The following APP variants were observed in gnomAD, a reference collection of about 807,000 sequenced individuals.
The protein encoded by APP is amyloid-beta precursor protein.
A neutral mutation model predicts 101.4 loss-of-function variants in APP; 31 were observed. That is an observed-to-expected ratio of 0.31 (90% CI 0.23 to 0.41). The LOEUF is 0.41. Among genes scored for constraint, APP ranks in the 10% least tolerant of loss-of-function variants. The pLI, the probability that APP is intolerant of heterozygous loss-of-function variation, is 1.00. For missense variants in APP, 839 were observed against 1,003.7 expected, an observed-to-expected ratio of 0.84 and a Z score of 2.22; for synonymous variants, 366 against 364.4, an observed-to-expected ratio of 1.00 and a Z score of -0.05.
At chr21:26,009,240 C>G (rs1219930792) in intron 6 of APP, among the ~76,000 whole-genome samples, 1 of 152,160 alleles carries the variant, frequency 6.6e-6, no homozygotes, top group Admixed American at 6.5e-5. Context: ...AAGACAGATA[C>G]AACAAAATTA....
intron 2 of APP, among the ~76,000 whole-genome samples, chr21:26,094,939 A>C (rs113153075): frequency 0.021 from 3,240 of 151,962 alleles, 123 homozygotes; most frequent in African/African-American, 0.074. Context: ...TCCATCTCCC[A>C]GGTTCAAGCG....
intron 5 of APP, among the ~76,000 whole-genome samples, chr21:26,032,872 A>G (rs973337005): frequency 6.6e-6 from 1 of 151,792 alleles, no homozygotes. Context: ...CCAACTGCTG[A>G]CTATAGGCTC....
chr21:26,152,284 C>CAAAAAAAAAAAAAAAAAAAAA (rs1161739630), intron 1 of APP, among the ~76,000 whole-genome samples: 9 of 36,178 alleles, frequency 2.5e-4, no homozygotes, highest in East Asian at 1.0e-3. Flanking sequence ...GACTCCATCT[C>CAAAAAAAAAAAAAAAAAAAAA]AAAAAAAAAA....
intron 2 of APP, among the ~76,000 whole-genome samples, chr21:26,111,631 G>T (rs2062326950): frequency 6.6e-6 from 1 of 152,032 alleles, no homozygotes; most frequent in Non-Finnish European, 1.5e-5. Flanking sequence ...CAGCTACTTG[G>T]GAGGCTGAGG....
chr21:25,891,207 G>A (rs1408199941), intron 17 of APP, among the ~76,000 whole-genome samples: 1 of 151,296 alleles, frequency 6.6e-6, no homozygotes, highest in African/African-American at 2.5e-5. Flanking sequence ...ATTTGGTATA[G>A]TGTGATTTCC....
chr21:26,045,452 A>C (rs1420614801), intron 5 of APP, among the ~76,000 whole-genome samples: 1 of 152,258 alleles, frequency 6.6e-6, no homozygotes, highest in Non-Finnish European at 1.5e-5. Flanking sequence ...AACTGGGAAA[A>C]TACAGAATAA....
intron 9 of APP, among the ~76,000 whole-genome samples, chr21:25,977,168 G>T (rs1171793430): frequency 6.6e-6 from 1 of 152,184 alleles, no homozygotes; most frequent in African/African-American, 2.4e-5. Context: ...GGATTTCCCT[G>T]AGAGAAGTTC....
chr21:26,170,594 C>T lies in APP; in HGVS notation c.27G>A (p.Leu9=), dbSNP rs2063725674. The change falls in exon 1 of 18, where the codon CTG becomes CTA. Residue 9 remains leucine, a synonymous_variant. Coordinates refer to ENST00000346798, the MANE Select transcript of APP (RefSeq NM_000484.4). MLPGLALL[L]LAAWTARALE... is the part of the protein sequence containing the mutation. ...GCGCCCGAGCCGTCCAGGCGGCCAG[C>T]AGGAGCAGTGCCAAACCGGGCAGCA... 2.6e-6 allele frequency: 4 copies of T among 1,538,932 alleles called. No homozygotes were observed. The highest frequency in any genetic ancestry group is 3.5e-6 in the Non-Finnish European group (4 of 1,146,454).
chr21:26,016,054 G>A (rs1036939676), intron 6 of APP, among the ~76,000 whole-genome samples: 7 of 151,052 alleles, frequency 4.6e-5, no homozygotes, highest in African/African-American at 1.7e-4. Context: ...TTTTTGAGAC[G>A]GAGTCTCGCT....
At chr21:26,046,576 A>G (rs1450986058) in intron 5 of APP, among the ~76,000 whole-genome samples, 1 of 152,106 alleles carries the variant, frequency 6.6e-6, no homozygotes, top group East Asian at 1.9e-4. Flanking sequence ...AATTATCCAG[A>G]AAGATACATC....
At chr21:25,912,097 T>A (rs1406102985) in intron 13 of APP, 135 bp from the exon 14 acceptor site, 1 of 729,786 alleles carries the variant, frequency 1.4e-6, no homozygotes, top group African/African-American at 1.7e-5. Context: ...AGCCATGACA[T>A]AGGTACCATT....
intron 14 of APP, among the ~76,000 whole-genome samples, chr21:25,911,224 A>C (rs893594044): frequency 2.0e-5 from 3 of 152,268 alleles, no homozygotes; most frequent in Non-Finnish European, 2.9e-5. Flanking sequence ...CTTTTGTTAT[A>C]TAATGTACCA....
At chr21:25,886,425 G>C (rs1257706901) in intron 17 of APP, among the ~76,000 whole-genome samples, 1 of 150,600 alleles carries the variant, frequency 6.6e-6, no homozygotes, top group African/African-American at 2.4e-5. Flanking sequence ...AGACAGTCTT[G>C]CTCTGTCACC....
At chr21:26,135,008 C>A (rs956496423) in intron 1 of APP, among the ~76,000 whole-genome samples, 2 of 152,214 alleles carry the variant, frequency 1.3e-5, no homozygotes, top group African/African-American at 2.4e-5. Context: ...CATTTAAAAT[C>A]ATCCAACATT....
Position 26,067,535 on chromosome 21 carries a change from A to G in APP, c.356-14187T>C, listed in dbSNP as rs1195446465. Among the ~76,000 whole-genome samples, 7 of 152,300 alleles carry G rather than the reference A, an allele frequency of 4.6e-5. No homozygotes were observed. In the East Asian group the frequency reaches 1.3e-3, roughly 29 times the overall value. On this transcript the variant is annotated intron_variant, in intron 3 of 17. Coordinates refer to ENST00000346798, the MANE Select transcript of APP (RefSeq NM_000484.4). ...CCATAATAAGCTTGAATACACTGAG[A>G]CTGCAGTACACCATTTTATGCGCTA...
chr21:25,906,805 A>G (rs898209661), intron 14 of APP, among the ~76,000 whole-genome samples: 2 of 152,232 alleles, frequency 1.3e-5, no homozygotes, highest in African/African-American at 2.4e-5. Flanking sequence ...TGCAGTTAAG[A>G]ACACAACAGA....
intron 5 of APP, among the ~76,000 whole-genome samples, chr21:26,050,169 T>C (rs552609580): frequency 6.6e-6 from 1 of 152,264 alleles, no homozygotes; most frequent in South Asian, 2.1e-4. Flanking sequence ...AAGCATCCTG[T>C]AGTTTGCCGA....
intron 4 of APP, 75 bp downstream of exon 4, chr21:26,053,161 T>C: frequency 9.3e-7 from 1 of 1,075,242 alleles, no homozygotes; most frequent in South Asian, 1.2e-5. Context: ...TGCCTCAAAA[T>C]ACCCCTAAAA....
At chr21:26,139,644 C>CAG (rs2062997489) in intron 1 of APP, among the ~76,000 whole-genome samples, 1 of 152,138 alleles carries the variant, frequency 6.6e-6, no homozygotes. Context: ...GCCTGTATCC[C>CAG]AGCACTTTAG....
Sources: allele counts gnomAD v4.1 joint callset (sites outside exome capture counted in the v4.1 genomes callset), GRCh38; gene constraint gnomAD v4.1.1; transcripts MANE v1.5; gene names NCBI Gene and HGNC (gene_info 2026-07-23, HGNC 2026-07-21).